ATXN7: variants seen among roughly 807,000 people sequenced by gnomAD.
ATXN7 encodes the protein ataxin-7.
Under a neutral mutation model 70.5 loss-of-function variants are expected in ATXN7, and 12 were observed. That is an observed-to-expected ratio of 0.17 (90% CI 0.11 to 0.28). The LOEUF (loss-of-function observed/expected upper bound fraction) is 0.28, where lower values mean the gene tolerates loss of function less well. Ranked by LOEUF, ATXN7 falls within the 10% of genes least tolerant of loss-of-function variation. ATXN7 has a pLI of 1.00. For synonymous variants in ATXN7, 498 were observed against 448.7 expected, an observed-to-expected ratio of 1.11 and a Z score of -1.39; for missense variants, 1,256 against 1,131.7, an observed-to-expected ratio of 1.11 and a Z score of -1.58.
intron 1 of ATXN7, among the ~76,000 whole-genome samples, chr3:63,867,318 ATTCTT>A (rs547677095): frequency 6.6e-6 from 1 of 152,146 alleles, no homozygotes. Context: ...GGAAGTTAGA[ATTCTT>A]TTCTTTTCTT....
intron 1 of ATXN7, among the ~76,000 whole-genome samples, chr3:63,876,580 T>A (rs1702754145): frequency 6.6e-6 from 1 of 152,152 alleles, no homozygotes; most frequent in Non-Finnish European, 1.5e-5. Flanking sequence ...TATTATAGAT[T>A]ATGAGGAAAG....
chr3:63,995,219 G>A (rs2075737151), intron 11 of ATXN7, among the ~76,000 whole-genome samples: 1 of 151,920 alleles, frequency 6.6e-6, no homozygotes, highest in African/African-American at 2.4e-5. Flanking sequence ...ATATAAGGAA[G>A]TACAGTGGCT....
chr3:63,989,498 C>T (rs2075633033), intron 9 of ATXN7, among the ~76,000 whole-genome samples: 1 of 152,058 alleles, frequency 6.6e-6, no homozygotes, highest in Non-Finnish European at 1.5e-5. Context: ...CCGTGGTTTA[C>T]ACCAATTGCA....
intron 12 of ATXN7, chr3:63,997,531 C>A: frequency 1.8e-6 from 2 of 1,084,762 alleles, no homozygotes; most frequent in Non-Finnish European, 2.7e-6. Context: ...AGCTCTTCTG[C>A]CTGTTACTGA....
At chr3:63,918,438 C>A (rs1412602037) in intron 4 of ATXN7, among the ~76,000 whole-genome samples, 7 of 152,164 alleles carry the variant, frequency 4.6e-5, no homozygotes, top group Admixed American at 3.9e-4. Flanking sequence ...TCAACTGTTT[C>A]TTATGAACAA....
At chr3:63,896,717 G>A (rs72878790) in intron 1 of ATXN7, among the ~76,000 whole-genome samples, 5,542 of 152,196 alleles carry the variant, frequency 0.036, 314 homozygotes, top group African/African-American at 0.12. Flanking sequence ...AGAAGTTTCT[G>A]TTTTTAAATG....
chr3:63,950,151 C>T (rs1288278880), intron 4 of ATXN7, among the ~76,000 whole-genome samples: 3 of 152,100 alleles, frequency 2.0e-5, no homozygotes, highest in African/African-American at 7.2e-5. Flanking sequence ...TCCTAAGTCT[C>T]AGAAAAGGAT....
At chr3:63,934,289 A>G (rs1011277346) in intron 4 of ATXN7, among the ~76,000 whole-genome samples, 2 of 152,096 alleles carry the variant, frequency 1.3e-5, no homozygotes, top group African/African-American at 4.8e-5. Flanking sequence ...TTTGGCGCAC[A>G]GTGTCCTGAT....
Position 63,988,313 on chromosome 3 carries a change from C to T in ATXN7, c.1350C>T (p.Pro450=). Residue 450 remains proline (P), a synonymous_variant, in exon 9 of 13, where the codon CCC becomes CCT. Transcript: ENST00000674280. Reference sequence around the variant, plus strand: ...CTAGTAAACCTAAACCTCACACCCCCAGTCTTCCAAGGTAAGCCAGGCCCT... The same window carrying T: ...CTAGTAAACCTAAACCTCACACCCCTAGTCTTCCAAGGTAAGCCAGGCCCT... ...FVASKPKPHT[P]SLPRPPGCPA... 1.2e-6 allele frequency: 2 copies of T among 1,614,086 alleles called. No individual in the cohort carries two copies. The highest frequency in any genetic ancestry group is 1.1e-5 in the South Asian group (1 of 91,070).
At chr3:63,927,437 A>C (rs1704761838) in intron 4 of ATXN7, among the ~76,000 whole-genome samples, 1 of 152,178 alleles carries the variant, frequency 6.6e-6, no homozygotes, top group Non-Finnish European at 1.5e-5. Flanking sequence ...CGGAGGGGGA[A>C]AACAGTATAG....
chr3:63,891,272 G>A (rs1357141522), intron 1 of ATXN7, among the ~76,000 whole-genome samples: 1 of 152,048 alleles, frequency 6.6e-6, no homozygotes, highest in East Asian at 1.9e-4. Context: ...GCCTCCCAAA[G>A]TGCTGGGATT....
In ATXN7 at chr3:63,982,274, A is replaced by C. The variant is rs2075501323; in HGVS notation, c.841A>C (p.Thr281Pro). Residue 281 changes from threonine to proline, a missense_variant, in exon 7 of 13, where the codon ACT (threonine) becomes CCT (proline). By Grantham distance (38) the Thr-to-Pro change is conservative. Transcript: ENST00000674280. ...KSAVGPTCPA[T>P]VSSLVKPGLN... The stretch of plus-strand genomic sequence containing the variant: ...TGCGGTGGGGCCAACCTGTCCTGCT[A>C]CTGTGAGTTCCTTAGTCAAGCCTGG... 2 of 1,614,060 alleles carry C rather than the reference A, an allele frequency of 1.2e-6. No homozygotes were observed. Among genetic ancestry groups the C allele is most frequent in the Admixed American group, 1.7e-5 (1 of 60,002 alleles).
intron 2 of ATXN7, chr3:63,911,718 G>C (rs1337968400): frequency 6.6e-6 from 1 of 152,244 alleles, no homozygotes; most frequent in African/African-American, 2.4e-5. Context: ...TTCCAATTGC[G>C]GGTCGGGGGC....
chr3:63,896,907 T>A (rs1455331490), intron 1 of ATXN7, among the ~76,000 whole-genome samples: 1 of 152,186 alleles, frequency 6.6e-6, no homozygotes, highest in African/African-American at 2.4e-5. Flanking sequence ...ATAGCAGCAG[T>A]GTCCAGATGG....
At chr3:63,898,335 T>C (rs1703507531) in intron 1 of ATXN7, 64 bp from the exon 2 acceptor site, 1 of 152,334 alleles carries the variant, frequency 6.6e-6, no homozygotes. Context: ...AATGAGATTG[T>C]ATGTTTCTGA....
At position 63,922,265 on chromosome 3, in the gene ATXN7, C is replaced by T. The variant is rs550903083; in HGVS notation, c.394+9040C>T. On this transcript the variant is annotated intron_variant, in intron 4 of 12. Transcript: ENST00000674280. ...CCATGTTGCCCAGGCTGGTCTCAAA[C>T]TCTGGAGCTCAAGAAATCCTCCCAC... Among the ~76,000 whole-genome samples the T allele has an allele frequency of 8.7e-4, 133 of 152,168 alleles. 1 individual carries two copies. Among genetic ancestry groups the T allele is most frequent in the South Asian group, 8.5e-3 (41 of 4,822 alleles).
At chr3:63,989,944 G>T (rs961874865) in intron 9 of ATXN7, among the ~76,000 whole-genome samples, 2 of 152,152 alleles carry the variant, frequency 1.3e-5, no homozygotes, top group Non-Finnish European at 2.9e-5. Flanking sequence ...GAAAGGATTC[G>T]TTCTAAGTTA....
intron 1 of ATXN7, chr3:63,864,649 T>C (rs920019719): frequency 2.0e-5 from 3 of 152,198 alleles, no homozygotes; most frequent in African/African-American, 7.2e-5. Flanking sequence ...GGCACCCAAT[T>C]CCACCACAGA....
chr3:63,953,602 TGA>T (rs767189572), intron 5 of ATXN7, among the ~76,000 whole-genome samples: 1 of 151,768 alleles, frequency 6.6e-6, no homozygotes, highest in East Asian at 1.9e-4. Flanking sequence ...GACACCGGAC[TGA>T]GAGTAAGATC....
Sources: allele counts gnomAD v4.1 joint callset (sites outside exome capture counted in the v4.1 genomes callset), GRCh38; gene constraint gnomAD v4.1.1; transcripts MANE v1.5; gene names NCBI Gene and HGNC (gene_info 2026-07-23, HGNC 2026-07-21).